Variants in SLC47A1 observed in about 807,000 individuals in gnomAD.
The protein encoded by SLC47A1 is solute carrier family 47 member 1, also known as multidrug and toxin extrusion protein 1.
SLC47A1 carries 58 observed loss-of-function variants against 65.8 expected under a neutral mutation model. The ratio of observed to expected loss-of-function variants is 0.88; its 90% CI spans 0.71 to 1.10. SLC47A1 has a LOEUF of 1.10. SLC47A1 is among the 50% of genes least tolerant of loss of function. The pLI, the probability that SLC47A1 is intolerant of heterozygous loss-of-function variation, is 0.00. For synonymous variants in SLC47A1, 285 were observed against 295.0 expected, an observed-to-expected ratio of 0.97 and a Z score of 0.35; for missense variants, 706 against 719.2, an observed-to-expected ratio of 0.98 and a Z score of 0.21.
At chr17:19,541,621 G>A (rs905590730) in intron 1 of SLC47A1, among the ~76,000 whole-genome samples, 1 of 152,132 alleles carries the variant, frequency 6.6e-6, no homozygotes, top group South Asian at 2.1e-4. Flanking sequence ...TCCGGATCCC[G>A]CTGGGACTCC....
At chr17:19,576,412 C>T (rs1044273182) in intron 16 of SLC47A1, among the ~76,000 whole-genome samples, 2 of 146,578 alleles carry the variant, frequency 1.4e-5, no homozygotes, top group Non-Finnish European at 3.0e-5. Flanking sequence ...ACTGCAGTAG[C>T]ACAATCATAG....
intron 2 of SLC47A1, among the ~76,000 whole-genome samples, chr17:19,542,795 G>T (rs1597494416): frequency 3.8e-5 from 5 of 133,154 alleles, no homozygotes; most frequent in South Asian, 4.9e-4. Context: ...TTATTTTGTT[G>T]TTTTTTTTTT....
In SLC47A1 at chr17:19,578,292, A is replaced by G. The variant is rs1187075105; in HGVS notation, c.*739A>G. The G allele has an allele frequency of 7.0e-6, 2 of 286,290 alleles. No homozygotes were observed. Among genetic ancestry groups the G allele is most frequent in the Middle Eastern group, 8.5e-4 (2 of 2,356 alleles). 17.7% of individuals were successfully genotyped at this position (286,290 alleles called of 1,614,324 possible). On this transcript the variant is annotated 3_prime_UTR_variant, in exon 17 of 17. Transcript: ENST00000270570. ...GTGTGCGTGACGTACTGCAGCCTCAACCTCCTGGGCTCAAGTGATCCTCCC... is the reference window on the plus strand; with the variant it reads ...GTGTGCGTGACGTACTGCAGCCTCAGCCTCCTGGGCTCAAGTGATCCTCCC...
chr17:19,560,452 A>G lies in SLC47A1; in HGVS notation c.1065A>G (p.Leu355=), dbSNP rs1223418258. Residue 355 remains leucine (L), a synonymous_variant, in exon 12 of 17, where the codon TTA becomes TTG. Coordinates refer to ENST00000270570, the MANE Select transcript of SLC47A1 (RefSeq NM_018242.3). ...CTGTAGCCTTCAGTGTCCTGCTGTTAAGCTGTAAGGATCACGTGGGGTACA... is the reference window on the plus strand; with the variant it reads ...CTGTAGCCTTCAGTGTCCTGCTGTTGAGCTGTAAGGATCACGTGGGGTACA... ...LFAVAFSVLL[L]SCKDHVGYIF... is the part of the protein sequence containing the mutation. The G allele has an allele frequency of 7.4e-6, 12 of 1,613,978 alleles. No individual in the cohort carries two copies. Among genetic ancestry groups the G allele is most frequent in the African/African-American group, 1.3e-5 (1 of 74,874 alleles).
intron 12 of SLC47A1, among the ~76,000 whole-genome samples, chr17:19,566,238 C>T (rs918279237): frequency 1.3e-5 from 2 of 152,138 alleles, no homozygotes; most frequent in African/African-American, 2.4e-5. Context: ...GTCCTCTCTG[C>T]GATTTCAGGC....
chr17:19,551,123 C>T lies in SLC47A1; in HGVS notation c.499-301C>T, dbSNP rs554978725. On this transcript the variant is annotated intron_variant, in intron 5 of 16. Transcript: ENST00000270570. ...GTGCCCATCTGGAGTGTGCCTGGGG[C>T]CTCCTTTCCATGCCAGTGTCCCCAG... Among the ~76,000 whole-genome samples the T allele has an allele frequency of 4.9e-4, 74 of 152,304 alleles. 1 individual carries two copies. The South Asian group carries it at 5.4e-3, about 11-fold the overall frequency.
chr17:19,567,044 G>T (rs2084363668), intron 13 of SLC47A1, 52 bp from the exon 14 acceptor site: 2 of 1,613,116 alleles, frequency 1.2e-6, no homozygotes, highest in Non-Finnish European at 8.5e-7. Flanking sequence ...AGATGGGAGT[G>T]TTTCAAGAGC....
chr17:19,544,002 C>T (rs1440788639), intron 2 of SLC47A1, among the ~76,000 whole-genome samples: 1 of 152,190 alleles, frequency 6.6e-6, no homozygotes, highest in Non-Finnish European at 1.5e-5. Context: ...GTCGCCCGGT[C>T]TGGAGTGCAG....
intron 14 of SLC47A1, among the ~76,000 whole-genome samples, chr17:19,570,435 T>A (rs762063049): frequency 3.9e-5 from 6 of 152,208 alleles, no homozygotes; most frequent in Non-Finnish European, 7.3e-5. Context: ...TGGAGATTGT[T>A]GATCTGGGGG....
Position 19,578,072 on chromosome 17 carries a change from T to A in SLC47A1, c.*519T>A. 1.2e-6 allele frequency: 1 copy of A among 860,268 alleles called. No individual in the cohort carries two copies. The highest frequency in any genetic ancestry group is 1.7e-6 in the Non-Finnish European group (1 of 597,510). The allele number at this position is 860,268 out of a possible 1,614,324, so 53.3% of individuals were successfully genotyped here. A position where few individuals can be genotyped will look rare whatever the true frequency, so the allele number is the denominator to read the frequency against. On this transcript the variant is annotated 3_prime_UTR_variant, in exon 17 of 17. Transcript: ENST00000270570. The stretch of plus-strand genomic sequence containing the variant: ...ATCATAGCTCACTGCAGCCTCGAAC[T>A]CTTGGGCTTCAAGCAATCCTCCTGT...
chr17:19,539,968 A>C (rs939830576), intron 1 of SLC47A1, among the ~76,000 whole-genome samples: 2 of 152,196 alleles, frequency 1.3e-5, no homozygotes, highest in Non-Finnish European at 2.9e-5. Context: ...GGCTGACTGC[A>C]TGAGGCTGCC....
chr17:19,534,371 G>T (rs1415138708), intron 1 of SLC47A1: 2 of 343,208 alleles, frequency 5.8e-6, no homozygotes, highest in East Asian at 1.0e-4. Flanking sequence ...CCTGCGCCAG[G>T]AGACACCGGA....
At chr17:19,536,668 T>A (rs909372504) in intron 1 of SLC47A1, among the ~76,000 whole-genome samples, 1 of 152,188 alleles carries the variant, frequency 6.6e-6, no homozygotes, top group Non-Finnish European at 1.5e-5. Flanking sequence ...TCTAATCCCA[T>A]CTGCTATAAA....
chr17:19,557,896 CCAAAA>C, intron 10 of SLC47A1: 1 of 74,998 alleles, frequency 1.3e-5, no homozygotes, highest in Non-Finnish European at 2.5e-5. Context: ...TACTTTCCCT[CCAAAA>C]AAAAAAAAAA....
At chr17:19,537,308 C>A (rs766509663) in intron 1 of SLC47A1, among the ~76,000 whole-genome samples, 19 of 152,312 alleles carry the variant, frequency 1.2e-4, no homozygotes, top group Admixed American at 3.3e-4. Context: ...GAGAGAACCG[C>A]TTTACCCGGG....
At chr17:19,539,302 G>C (rs1190184282) in intron 1 of SLC47A1, among the ~76,000 whole-genome samples, 1 of 152,154 alleles carries the variant, frequency 6.6e-6, no homozygotes, top group Non-Finnish European at 1.5e-5. Flanking sequence ...GACATCTAGC[G>C]GAACAGGCCT....
In SLC47A1 at chr17:19,556,015, C is replaced by G. The variant is rs983015082; in HGVS notation, c.874C>G (p.Leu292Val). 6.2e-7 allele frequency: 1 copy of G among 1,614,096 alleles called. No individual in the cohort carries two copies. Among genetic ancestry groups the G allele is most frequent in the Non-Finnish European group, 8.5e-7 (1 of 1,180,042 alleles). The change falls in exon 10 of 17, where the codon CTG becomes GTG. Residue 292 changes from leucine to valine, a missense_variant. Leu to Val is a conservative substitution (Grantham distance 32). Coordinates refer to ENST00000270570, the MANE Select transcript of SLC47A1 (RefSeq NM_018242.3). Reference sequence around the variant, plus strand: ...ACCAGGCATCCTCGGCATGGTGGAGCTGGGCGCTCAGTCCATCGTGTATGA... The same window carrying G: ...ACCAGGCATCCTCGGCATGGTGGAGGTGGGCGCTCAGTCCATCGTGTATGA... Reference protein sequence around the residue: ...FLSGILGMVELGAQSIVYELA... With the variant: ...FLSGILGMVEVGAQSIVYELA...
In SLC47A1 at chr17:19,546,342, G is replaced by C; in HGVS notation, c.238-93G>C. On this transcript the variant is annotated intron_variant, in intron 2 of 16. Coordinates refer to ENST00000270570, the MANE Select transcript of SLC47A1 (RefSeq NM_018242.3). ...AAATTGACTTGTGAATGCTGAAGGAGGAGCTTTGCAGGCTCTTATCAATAC... is the reference window on the plus strand; with the variant it reads ...AAATTGACTTGTGAATGCTGAAGGACGAGCTTTGCAGGCTCTTATCAATAC... 3 of 1,259,372 alleles carry C rather than the reference G, an allele frequency of 2.4e-6. No homozygotes were observed. In the East Asian group the frequency reaches 7.3e-5, roughly 31 times the overall value. 78.0% of individuals were successfully genotyped at this position (1,259,372 alleles called of 1,614,324 possible). A position where few individuals can be genotyped will look rare whatever the true frequency, so the allele number is the denominator to read the frequency against.
intron 12 of SLC47A1, 38 bp from the exon 13 acceptor site, chr17:19,566,750 CTT>C (rs753873312): frequency 1.0e-5 from 16 of 1,595,894 alleles, no homozygotes; most frequent in Non-Finnish European, 1.4e-5. Context: ...TCTTTCTCCA[CTT>C]TGTCTCCTAA....
Sources: allele counts gnomAD v4.1 joint callset (sites outside exome capture counted in the v4.1 genomes callset), GRCh38; gene constraint gnomAD v4.1.1; transcripts MANE v1.5; gene names NCBI Gene and HGNC (gene_info 2026-07-23, HGNC 2026-07-21).